Variants in SLIT2 observed in about 807,000 individuals in gnomAD.
The protein encoded by SLIT2 is slit homolog 2 protein.
Under a neutral mutation model 185.7 loss-of-function variants are expected in SLIT2, and 41 were observed. The observed-to-expected ratio is 0.22, with a 90% CI of 0.17 to 0.29. The LOEUF (loss-of-function observed/expected upper bound fraction) is 0.29. Among genes scored for constraint, SLIT2 ranks in the 10% least tolerant of loss-of-function variants. The pLI is 1.00. For synonymous variants in SLIT2, 693 were observed against 680.2 expected, an observed-to-expected ratio of 1.02 and a Z score of -0.29; for missense variants, 1,571 against 1,909.0, an observed-to-expected ratio of 0.82 and a Z score of 3.30.
chr4:20,519,080 G>A (rs938253005), intron 11 of SLIT2, among the ~76,000 whole-genome samples: 6 of 151,986 alleles, frequency 3.9e-5, no homozygotes, highest in East Asian at 1.9e-4. Context: ...CTGTGTATGC[G>A]TGTGAGTAGA....
intron 4 of SLIT2, among the ~76,000 whole-genome samples, chr4:20,313,887 C>A (rs1433523441): frequency 6.6e-6 from 1 of 152,196 alleles, no homozygotes; most frequent in African/African-American, 2.4e-5. Flanking sequence ...CCGCTCCTCA[C>A]AGGCCATGGA....
intron 4 of SLIT2, among the ~76,000 whole-genome samples, chr4:20,372,171 A>C (rs1306765657): frequency 1.3e-5 from 2 of 152,076 alleles, no homozygotes; most frequent in Non-Finnish European, 2.9e-5. Flanking sequence ...CCTTGATTTC[A>C]TTTAATTCTT....
chr4:20,548,940 G>A, intron 23 of SLIT2, 117 bp from the exon 24 acceptor site: 1 of 656,362 alleles, frequency 1.5e-6, no homozygotes, highest in Non-Finnish European at 2.8e-6. Flanking sequence ...AATATATTGT[G>A]TGTTAACACT....
At chr4:20,298,934 T>C (rs1040149012) in intron 4 of SLIT2, among the ~76,000 whole-genome samples, 6 of 152,226 alleles carry the variant, frequency 3.9e-5, no homozygotes, top group African/African-American at 1.4e-4. Flanking sequence ...AAATTGGGGA[T>C]TGTAATTTAT....
rs532746081 is a variant in SLIT2, at chr4:20,313,039, T to G, written c.395+44158T>G. 7.9e-5 allele frequency among the ~76,000 whole-genome samples: 12 copies of G among 152,334 alleles called. No individual in the cohort carries two copies. In the East Asian group the frequency reaches 2.1e-3, roughly 27 times the overall value. On this transcript the variant is annotated intron_variant, in intron 4 of 36. Transcript: ENST00000504154. ...TGTTTCTAGGCTTGAGGGAGAATTT[T>G]GCTTGTAAACCGTATTAATTTGGTA...
chr4:20,390,169 C>T (rs955607254), intron 4 of SLIT2, among the ~76,000 whole-genome samples: 4 of 151,992 alleles, frequency 2.6e-5, no homozygotes, highest in African/African-American at 9.7e-5. Context: ...TCAGACAAGT[C>T]TTGCTGCATC....
At chr4:20,399,559 C>T (rs1042964051) in intron 4 of SLIT2, among the ~76,000 whole-genome samples, 1 of 151,642 alleles carries the variant, frequency 6.6e-6, no homozygotes. Flanking sequence ...TAATCTCTCC[C>T]CTATTTTTGT....
intron 4 of SLIT2, among the ~76,000 whole-genome samples, chr4:20,344,910 A>G (rs961616873): frequency 3.3e-5 from 5 of 152,096 alleles, no homozygotes; most frequent in African/African-American, 9.7e-5. Flanking sequence ...CATTTTTGGA[A>G]GAGAACATGC....
chr4:20,364,280 A>G (rs929794308), intron 4 of SLIT2: 2 of 985,102 alleles, frequency 2.0e-6, no homozygotes, highest in African/African-American at 3.5e-5. Context: ...TGCACATATG[A>G]AAGGGTAAGC....
intron 12 of SLIT2, among the ~76,000 whole-genome samples, chr4:20,522,618 C>T (rs1056317933): frequency 5.3e-5 from 8 of 151,920 alleles, no homozygotes; most frequent in East Asian, 1.9e-4. Flanking sequence ...GTCACATCAC[C>T]GAGAATGATG....
chr4:20,442,551 G>T (rs1379020332), intron 4 of SLIT2, among the ~76,000 whole-genome samples: 2 of 146,798 alleles, frequency 1.4e-5, no homozygotes, highest in Non-Finnish European at 3.0e-5. Context: ...AAAGGGGGGG[G>T]AGGGACCGAT....
chr4:20,394,520 T>C (rs982893889), intron 4 of SLIT2: 2 of 151,976 alleles, frequency 1.3e-5, no homozygotes, highest in Non-Finnish European at 2.9e-5. Context: ...ATTTTTTTTT[T>C]CTAAATAGGA....
intron 4 of SLIT2, among the ~76,000 whole-genome samples, chr4:20,466,935 C>T (rs1418571171): frequency 1.3e-5 from 2 of 152,020 alleles, no homozygotes; most frequent in African/African-American, 2.4e-5. Context: ...ATTTCTTGCA[C>T]GTATATTTAT....
chr4:20,256,883 A>C, intron 2 of SLIT2, 140 bp downstream of exon 2: 1 of 516,414 alleles, frequency 1.9e-6, no homozygotes, highest in East Asian at 3.3e-5. Flanking sequence ...TTCTGTGTTT[A>C]TCATTGTACT....
chr4:20,607,737 A>G (rs1728898690), intron 33 of SLIT2, among the ~76,000 whole-genome samples: 1 of 152,196 alleles, frequency 6.6e-6, no homozygotes, highest in African/African-American at 2.4e-5. Flanking sequence ...GTGACCAAGA[A>G]TCCATTCCTT....
intron 4 of SLIT2, among the ~76,000 whole-genome samples, chr4:20,384,373 G>A (rs541780537): frequency 1.3e-5 from 2 of 152,160 alleles, no homozygotes; most frequent in Non-Finnish European, 2.9e-5. Flanking sequence ...GGGTTGGAGA[G>A]AGATTAAGAG....
At chr4:20,569,984 T>G (rs1478894178) in intron 29 of SLIT2, among the ~76,000 whole-genome samples, 1 of 152,056 alleles carries the variant, frequency 6.6e-6, no homozygotes, top group Non-Finnish European at 1.5e-5. Context: ...TGTTGGAAAA[T>G]TATTAAAACG....
intron 5 of SLIT2, among the ~76,000 whole-genome samples, chr4:20,469,787 G>A (rs1012925229): frequency 1.6e-4 from 19 of 117,584 alleles, no homozygotes; most frequent in Non-Finnish European, 3.1e-4. Flanking sequence ...ATGGTGTCTC[G>A]CTCTCTCACC....
At chr4:20,298,125 G>A (rs1285012702) in intron 4 of SLIT2, among the ~76,000 whole-genome samples, 1 of 143,834 alleles carries the variant, frequency 7.0e-6, no homozygotes, top group African/African-American at 2.6e-5. Flanking sequence ...TTTCCCTCTT[G>A]CTGCCCGGGC....
Sources: allele counts gnomAD v4.1 joint callset (sites outside exome capture counted in the v4.1 genomes callset), GRCh38; gene constraint gnomAD v4.1.1; transcripts MANE v1.5; gene names NCBI Gene and HGNC (gene_info 2026-07-23, HGNC 2026-07-21).